SLC4A11: variants seen among roughly 807,000 people sequenced by gnomAD.
SLC4A11 encodes bicarbonate transporter related protein 1.
Under a neutral mutation model 95.0 loss-of-function variants are expected in SLC4A11, and 74 were observed. The ratio of observed to expected loss-of-function variants is 0.78; its 90% confidence interval spans 0.65 to 0.95. The LOEUF is 0.95. Among genes scored for constraint, SLC4A11 ranks in the 40% least tolerant of loss-of-function variants. The pLI is 0.00. For synonymous variants in SLC4A11, 548 were observed against 519.0 expected, an observed-to-expected ratio of 1.06 and a Z score of -0.76; for missense variants, 1,081 against 1,192.4, an observed-to-expected ratio of 0.91 and a Z score of 1.38.
rs369591022 is a variant in SLC4A11 at position 3,228,727 on chromosome 20, G to T, written c.2193-20C>A. 6.2e-7 allele frequency: 1 copy of T among 1,612,508 alleles called. No individual in the cohort carries two copies. Among genetic ancestry groups the T allele is most frequent in the Non-Finnish European group, 8.5e-7 (1 of 1,179,600 alleles). ...ACAATCCTGCGGTGGCCCGAGCCGC[G>T]AGTGTCACCTCTGCGCCCCTGTCCA... On this transcript the variant is annotated intron_variant, in intron 17 of 19. Coordinates refer to ENST00000642402, the MANE Select transcript of SLC4A11 (RefSeq NM_001174089.2).
In SLC4A11 at chr20:3,234,861, T is replaced by G. The variant is rs1458299426; in HGVS notation, c.122A>C (p.Glu41Ala). The change falls in exon 3 of 20, where the codon GAA becomes GCA. Residue 41 changes from glutamate to alanine, a missense_variant. Coordinates refer to ENST00000642402, the MANE Select transcript of SLC4A11 (RefSeq NM_001174089.2). The surrounding 1 kb of genome is among the most constrained non-coding windows in gnomAD (Gnocchi z 5.8). ...ATCCCCCAGGATCTCCTCTCGGGCT[T>G]CGAAGGTGTCATCTGTGTCACACTT... ...YYKCDTDDTFEAREEILGDEA... is the reference protein window; with the variant it reads ...YYKCDTDDTFAAREEILGDEA... 1 of 1,614,010 alleles carries G rather than the reference T, an allele frequency of 6.2e-7. No individual in the cohort carries two copies. Among genetic ancestry groups the G allele is most frequent in the Non-Finnish European group, 8.5e-7 (1 of 1,180,008 alleles).
Position 3,231,565 on chromosome 20 carries a change from G to C in SLC4A11, c.730-17C>G. ...AGTGCTTTTCTAGGGGTGGAGGATG[G>C]GAGTCACCCCTAGAAACAGAGGAGG... is the stretch of plus-strand genomic sequence containing the variant. On this transcript the variant is annotated splice_polypyrimidine_tract_variant and intron_variant, in intron 7 of 19. Transcript: ENST00000642402. This position sits in a 1 kb window ranked among gnomAD's most constrained non-coding sequence, Gnocchi z 5.2. 6.2e-7 allele frequency: 1 copy of C among 1,600,936 alleles called. No individual in the cohort carries two copies. Among genetic ancestry groups the C allele is most frequent in the Non-Finnish European group, 8.5e-7 (1 of 1,175,614 alleles).
chr20:3,230,053 C>T, intron 13 of SLC4A11, 134 bp downstream of exon 13: 2 of 1,217,246 alleles, frequency 1.6e-6, no homozygotes, highest in Non-Finnish European at 2.4e-6. Context: ...CCAAGGCTCC[C>T]AGAGCACCGC....
At position 3,231,555 on chromosome 20, in the gene SLC4A11, G is replaced by T; in HGVS notation, c.730-7C>A. The T allele has an allele frequency of 6.2e-7, 1 of 1,610,138 alleles. No individual in the cohort carries two copies. Among genetic ancestry groups the T allele is most frequent in the Non-Finnish European group, 8.5e-7 (1 of 1,178,782 alleles). ...TCGCAGTCTTAGTGCTTTTCTAGGG[G>T]TGGAGGATGGGAGTCACCCCTAGAA... On this transcript the variant is annotated splice_region_variant and splice_polypyrimidine_tract_variant and intron_variant, in intron 7 of 19. Transcript: ENST00000642402. The surrounding 1 kb of genome is among the most constrained non-coding windows in gnomAD (Gnocchi z 5.2).
intron 1 of SLC4A11, 196 bp downstream of exon 1, chr20:3,238,899 G>T: frequency 8.0e-7 from 1 of 1,254,168 alleles, no homozygotes; most frequent in South Asian, 2.8e-5. Flanking sequence ...CAAGCGCGCG[G>T]TGGCCGCGAA....
In SLC4A11 at chr20:3,229,138, C is replaced by T. The variant is rs768037986; in HGVS notation, c.1975G>A (p.Glu659Lys). 12 of 1,578,452 alleles carry T rather than the reference C, an allele frequency of 7.6e-6. No individual in the cohort carries two copies. Among genetic ancestry groups the T allele is most frequent in the African/African-American group, 1.4e-5 (1 of 72,742 alleles). ...ACCAAGGCGGCCACCAAGTTCTGCT[C>T]GATGAAGAAGAGCATGGACAGCAGG... ...GFLLSMLFFI[E>K]QNLVAALVNA... Residue 659 changes from glutamate to lysine, a missense_variant, in exon 16 of 20, where the codon GAG becomes AAG. Transcript: ENST00000642402.
At chr20:3,238,301 G>A (rs769541675) in intron 1 of SLC4A11, 1 of 1,246,910 alleles carries the variant, frequency 8.0e-7, no homozygotes. Context: ...CGCTGTCGGA[G>A]GAAGGAAGCG....
At chr20:3,237,871 C>T in intron 1 of SLC4A11, 1 of 1,551,096 alleles carries the variant, frequency 6.4e-7, no homozygotes, top group East Asian at 2.4e-5. Flanking sequence ...GGGATGTCTT[C>T]CCACCGAGTT....
chr20:3,229,249 A>C lies in SLC4A11; in HGVS notation c.1864T>G (p.Tyr622Asp). The C allele has an allele frequency of 6.2e-7, 1 of 1,613,004 alleles. No homozygotes were observed. The highest frequency in any genetic ancestry group is 8.5e-7 in the Non-Finnish European group (1 of 1,179,984). The part of the protein sequence containing the change: ...FREIEMSKFR[Y>D]NPSESPFAMA... ...GCAAAGGGGCTCTCGCTGGGGTTGT[A>C]GCGGAACTTGCTCACTGCAGTAGGG... Residue 622 changes from tyrosine (Y) to aspartate (D), a missense_variant, in exon 16 of 20, where the codon TAC becomes GAC. By Grantham distance (160) the Tyr-to-Asp change is radical (BLOSUM62 -3). Coordinates refer to ENST00000642402, the MANE Select transcript of SLC4A11 (RefSeq NM_001174089.2).
chr20:3,228,713 G>A lies in SLC4A11; in HGVS notation c.2193-6C>T, dbSNP rs772180335. The A allele has an allele frequency of 3.7e-5, 59 of 1,612,458 alleles. No individual in the cohort carries two copies. The highest frequency in any genetic ancestry group is 4.9e-5 in the Non-Finnish European group (58 of 1,179,776). On this transcript the variant is annotated splice_polypyrimidine_tract_variant and splice_region_variant and intron_variant, in intron 17 of 19. Transcript: ENST00000642402. ...TCTCCTTCACGTTCACAATCCTGCGGTGGCCCGAGCCGCGAGTGTCACCTC... is the reference window on the plus strand; with the variant it reads ...TCTCCTTCACGTTCACAATCCTGCGATGGCCCGAGCCGCGAGTGTCACCTC...
chr20:3,231,205 C>T lies in SLC4A11; in HGVS notation c.986G>A (p.Gly329Asp). 3 of 1,614,098 alleles carry T rather than the reference C, an allele frequency of 1.9e-6. No individual in the cohort carries two copies. Among genetic ancestry groups the T allele is most frequent in the South Asian group, 1.1e-5 (1 of 91,084 alleles). The change falls in exon 9 of 20, where the codon GGC becomes GAC. Residue 329 changes from glycine to aspartate, a missense_variant. Physicochemically the swap from Gly to Asp is moderately conservative, Grantham distance 94. Coordinates refer to ENST00000642402, the MANE Select transcript of SLC4A11 (RefSeq NM_001174089.2). This position sits in a 1 kb window ranked among gnomAD's most constrained non-coding sequence, Gnocchi z 5.2. Reference sequence around the variant, plus strand: ...CCTGCGTGCGATGTCCTCCCGGATGCCCTTCCCAAAAGGGACAAAGTCCTT... The same window carrying T: ...CCTGCGTGCGATGTCCTCCCGGATGTCCTTCCCAAAAGGGACAAAGTCCTT... ...KCKDFVPFGK[G>D]IREDIARRFP...
chr20:3,230,756 C>T lies in SLC4A11; in HGVS notation c.1258G>A (p.Ala420Thr), dbSNP rs376120280. The T allele has an allele frequency of 8.5e-5, 137 of 1,613,162 alleles. No homozygotes were observed. The highest frequency in any genetic ancestry group is 1.8e-4 in the South Asian group (16 of 91,092). Residue 420 changes from alanine to threonine, a missense_variant, in exon 11 of 20, where the codon GCG becomes ACG. Physicochemically the swap from Ala to Thr is moderately conservative, Grantham distance 58 (BLOSUM62 0). Around this residue, in one of 3 missense-constraint regions of SLC4A11, gnomAD observed 767 missense variants for 858.0 expected, o/e 0.89. Coordinates refer to ENST00000642402, the MANE Select transcript of SLC4A11 (RefSeq NM_001174089.2). ...CCCTGGATGTAGAGCGCCAGGGGCG[C>T]GGTGGTCAGCAGAATCACCAATGGC... ...GQPLVILLTT[A>T]PLALYIQVIR... is the part of the protein sequence containing the mutation.
In SLC4A11 at chr20:3,229,090, C is replaced by A; in HGVS notation, c.2018+5G>T. On this transcript the variant is annotated splice_donor_5th_base_variant and intron_variant, in intron 16 of 19. Coordinates refer to ENST00000642402, the MANE Select transcript of SLC4A11 (RefSeq NM_001174089.2). Reference sequence around the variant, plus strand: ...GCCCACCCCACCCTCACCCACCCTCCACACCTGTTCTCCGGTGCATTCACC... The same window carrying A: ...GCCCACCCCACCCTCACCCACCCTCAACACCTGTTCTCCGGTGCATTCACC... 6.3e-7 allele frequency: 1 copy of A among 1,595,558 alleles called. No homozygotes were observed. Among genetic ancestry groups the A allele is most frequent in the Non-Finnish European group, 8.5e-7 (1 of 1,173,264 alleles).
At chr20:3,236,094 C>T (rs748203220) in intron 2 of SLC4A11, among the ~76,000 whole-genome samples, 7 of 152,186 alleles carry the variant, frequency 4.6e-5, no homozygotes, top group African/African-American at 1.4e-4. Flanking sequence ...GTCAGCAGCA[C>T]GCCTGCACCT....
In SLC4A11 at chr20:3,229,769, C is replaced by T. The variant is rs763763481; in HGVS notation, c.1497G>A (p.Trp499Ter). 1 of 1,613,864 alleles carries T rather than the reference C, an allele frequency of 6.2e-7. No individual in the cohort carries two copies. The highest frequency in any genetic ancestry group is 1.7e-5 in the Admixed American group (1 of 60,026). ...DAVKGTVKIF[W>*]KYYYGHYLDD... ...CCAAGTAATGCCCATAGTAGTACTT[C>T]CAGAAGACTGTGGACACACACCCAC... is the stretch of plus-strand genomic sequence containing the variant. The change falls in exon 14 of 20, where the codon TGG becomes TGA. Residue 499 changes from tryptophan to a stop codon, truncating the protein, a stop_gained. Transcript: ENST00000642402. LOFTEE classifies it high-confidence loss of function.
chr20:3,238,641 ACTCCCAAAACTCCAGGGGTTCCGGGG>A lies in SLC4A11; in HGVS notation c.43+428_43+453del, dbSNP rs2068065663. ...GCAGGGCACGGTCAGGGGTCCCGGG[ACTCCCAAAACTCCAGGGGTTCCGGGG>A]CTCCCACCGCGGCGCCGGACGGGAA... On this transcript the variant is annotated intron_variant, in intron 1 of 19. Coordinates refer to ENST00000642402, the MANE Select transcript of SLC4A11 (RefSeq NM_001174089.2). The A allele has an allele frequency of 1.0e-5, 10 of 993,442 alleles. No individual in the cohort carries two copies. The South Asian group carries it at 4.7e-4, about 46-fold the overall frequency. 61.5% of individuals were successfully genotyped at this position (993,442 alleles called of 1,614,324 possible). A position where few individuals can be genotyped will look rare whatever the true frequency, so the allele number is the denominator to read the frequency against.
intron 1 of SLC4A11, 157 bp from the exon 2 acceptor site, chr20:3,237,745 C>G (rs992079517): frequency 8.1e-6 from 13 of 1,613,404 alleles, no homozygotes; most frequent in Non-Finnish European, 1.1e-5. Flanking sequence ...GGGGACAGTG[C>G]TCGGGAGGGG....
chr20:3,233,679 G>C (rs1207600595), intron 6 of SLC4A11, 42 bp from the exon 7 acceptor site: 1 of 1,606,906 alleles, frequency 6.2e-7, no homozygotes, highest in Non-Finnish European at 8.5e-7. Context: ...TTGCACCCCA[G>C]GGAGCTGGGG....
intron 2 of SLC4A11, among the ~76,000 whole-genome samples, chr20:3,235,539 T>C (rs2067954709): frequency 1.3e-5 from 2 of 152,038 alleles, no homozygotes; most frequent in South Asian, 4.1e-4. Flanking sequence ...CCTGCCCCCA[T>C]CGTGCTCCTC....
Sources: allele counts gnomAD v4.1 joint callset (sites outside exome capture counted in the v4.1 genomes callset), GRCh38; gene constraint gnomAD v4.1.1; regional missense constraint gnomAD v4.1.1; non-coding constraint Gnocchi (gnomAD v3.1); transcripts MANE v1.5; gene names NCBI Gene and HGNC (gene_info 2026-07-23, HGNC 2026-07-21).